LINGO2: variants seen among roughly 807,000 people sequenced by gnomAD.
LINGO2 encodes leucine rich repeat and Ig domain containing 2.
LINGO2 carries 14 observed loss-of-function variants against 30.6 expected under a neutral mutation model. The observed-to-expected ratio is 0.46, with a 90% CI of 0.30 to 0.72. The LOEUF (loss-of-function observed/expected upper bound fraction) is 0.72, where lower values mean the gene tolerates loss of function less well. Ranked by LOEUF, LINGO2 falls within the 30% of genes least tolerant of loss-of-function variation. LINGO2 has a pLI of 0.07. For missense variants in LINGO2, 729 were observed against 751.7 expected, an observed-to-expected ratio of 0.97 and a Z score of 0.35; for synonymous variants, 317 against 288.5, an observed-to-expected ratio of 1.10 and a Z score of -1.00.
chr9:28,669,698 A>C (rs1208200917), intron 1 of LINGO2, among the ~76,000 whole-genome samples: 2 of 152,030 alleles, frequency 1.3e-5, no homozygotes. Context: ...AAGGGCCATT[A>C]GTACTAGTGG....
chr9:28,109,692 C>T (rs1826713057), intron 4 of LINGO2, among the ~76,000 whole-genome samples: 2 of 151,998 alleles, frequency 1.3e-5, no homozygotes, highest in Admixed American at 6.6e-5. Flanking sequence ...TGACAAGGGA[C>T]ATGAAGGATC....
chr9:28,490,270 T>C (rs1012946882), intron 1 of LINGO2, among the ~76,000 whole-genome samples: 1 of 152,300 alleles, frequency 6.6e-6, no homozygotes, highest in Non-Finnish European at 1.5e-5. Flanking sequence ...GAAAATATAC[T>C]GAGGCTTAGA....
chr9:28,864,989 G>C, the LINGO2 span, among the ~76,000 whole-genome samples: 3 of 151,950 alleles, frequency 2.0e-5, no homozygotes, highest in Non-Finnish European at 4.4e-5. Context: ...ACATGGAGAG[G>C]CCACTTAATT....
chr9:28,752,933 T>A, the LINGO2 span, among the ~76,000 whole-genome samples: 1 of 152,014 alleles, frequency 6.6e-6, no homozygotes, highest in Admixed American at 6.6e-5. Flanking sequence ...ATAATACTTT[T>A]TGAAAAAGGT....
downstream of LINGO2, chr9:27,943,817 A>G (rs1289849848): frequency 2.6e-5 from 4 of 152,162 alleles, no homozygotes; most frequent in Admixed American, 6.5e-5. Flanking sequence ...GGGAATACCA[A>G]AGCTTTTCTC....
chr9:28,813,602 G>C, the LINGO2 span, among the ~76,000 whole-genome samples: 1 of 152,078 alleles, frequency 6.6e-6, no homozygotes, highest in African/African-American at 2.4e-5. Flanking sequence ...GCAAGCACAG[G>C]AGACACACAT....
At chr9:28,343,436 A>G (rs529244751) in intron 3 of LINGO2, among the ~76,000 whole-genome samples, 261 of 152,300 alleles carry the variant, frequency 1.7e-3, no homozygotes, top group African/African-American at 6.1e-3. Context: ...TAGTATAAAA[A>G]TACTGAAAAG....
intron 5 of LINGO2, among the ~76,000 whole-genome samples, chr9:28,011,905 G>A (rs1202269516): frequency 6.6e-6 from 1 of 151,442 alleles, no homozygotes. Context: ...TGCCCTGCAT[G>A]TCAAAGGGAA....
the LINGO2 span, among the ~76,000 whole-genome samples, chr9:29,189,379 G>A: frequency 6.6e-6 from 1 of 151,136 alleles, no homozygotes; most frequent in African/African-American, 2.4e-5. Context: ...CTCAGACGGG[G>A]CGGTTGCCGG....
chr9:28,000,780 T>A (rs757405040), intron 5 of LINGO2, among the ~76,000 whole-genome samples: 1 of 152,214 alleles, frequency 6.6e-6, no homozygotes, highest in Non-Finnish European at 1.5e-5. Context: ...AAAACTGCCA[T>A]ATATTCTCAT....
At chr9:28,262,501 T>C (rs1241783390) in intron 4 of LINGO2, among the ~76,000 whole-genome samples, 1 of 151,912 alleles carries the variant, frequency 6.6e-6, no homozygotes, top group African/African-American at 2.4e-5. Flanking sequence ...ACACATAACA[T>C]ATAAAGACAG....
intron 4 of LINGO2, among the ~76,000 whole-genome samples, chr9:28,045,503 CAG>C (rs544661757): frequency 1.2e-4 from 18 of 152,166 alleles, no homozygotes; most frequent in South Asian, 4.1e-4. Flanking sequence ...AAGTAGAACT[CAG>C]AATTTTAAAA....
chr9:28,157,346 A>G (rs1039050723), intron 4 of LINGO2, among the ~76,000 whole-genome samples: 3 of 152,192 alleles, frequency 2.0e-5, no homozygotes, highest in African/African-American at 7.2e-5. Context: ...GACCCCTTTC[A>G]GCCACAGCTG....
intron 4 of LINGO2, among the ~76,000 whole-genome samples, chr9:28,106,220 G>C (rs989237912): frequency 6.6e-6 from 1 of 152,078 alleles, no homozygotes; most frequent in Non-Finnish European, 1.5e-5. Flanking sequence ...GTGCCAAAAA[G>C]ATTGGGGACT....
At chr9:28,133,103 A>G (rs767144625) in intron 4 of LINGO2, among the ~76,000 whole-genome samples, 31 of 152,222 alleles carry the variant, frequency 2.0e-4, no homozygotes, top group Non-Finnish European at 4.3e-4. Flanking sequence ...AAAGCAGCTG[A>G]CATTTCTTAA....
chr9:28,325,694 C>A (rs193041270), intron 3 of LINGO2, among the ~76,000 whole-genome samples: 5 of 152,214 alleles, frequency 3.3e-5, no homozygotes, highest in African/African-American at 9.6e-5. Flanking sequence ...GATTGTGACG[C>A]CTCCCCAGCC....
chr9:28,568,939 T>A (rs565810055), intron 1 of LINGO2, among the ~76,000 whole-genome samples: 1 of 152,092 alleles, frequency 6.6e-6, no homozygotes, highest in Non-Finnish European at 1.5e-5. Context: ...TATATTAAAA[T>A]TCAGAATACT....
the LINGO2 span, among the ~76,000 whole-genome samples, chr9:29,016,329 A>T: frequency 6.6e-6 from 1 of 152,216 alleles, no homozygotes; most frequent in Non-Finnish European, 1.5e-5. Flanking sequence ...CACTCAGTTC[A>T]TAAATTTTCA....
At chr9:28,750,572 T>A in the LINGO2 span, among the ~76,000 whole-genome samples, 1 of 152,074 alleles carries the variant, frequency 6.6e-6, no homozygotes, top group Non-Finnish European at 1.5e-5. Context: ...ATTTTTCCTA[T>A]TGTGTAATTT....
Sources: allele counts gnomAD v4.1 joint callset (sites outside exome capture counted in the v4.1 genomes callset), GRCh38; gene constraint gnomAD v4.1.1; transcripts MANE v1.5; gene names NCBI Gene and HGNC (gene_info 2026-07-23, HGNC 2026-07-21).